Variants in SARM1 observed in about 807,000 individuals in gnomAD.
SARM1 encodes the protein NAD(+) hydrolase SARM1.
SARM1 carries 60 observed loss-of-function variants against 65.1 expected under a neutral mutation model. The ratio of observed to expected loss-of-function variants is 0.92; its 90% CI spans 0.75 to 1.14. SARM1 has a LOEUF of 1.14. SARM1 is among the 50% of genes most tolerant of loss of function. SARM1 has a pLI of 0.00. For synonymous variants in SARM1, 417 were observed against 465.4 expected (o/e 0.90, Z 1.34); for missense variants, 913 against 1,015.7 (o/e 0.90, Z 1.37).
chr17:28,387,982 C>T (rs1262468916), intron 5 of SARM1, 192 bp from the exon 6 acceptor site: 9 of 608,130 alleles, frequency 1.5e-5, no homozygotes, highest in Non-Finnish European at 2.7e-5. Flanking sequence ...TGCCTGCCTC[C>T]TAAGAGGAAC....
At position 28,372,499 on chromosome 17, in the gene SARM1, AC is replaced by A; in HGVS notation, c.469del (p.Arg157GlufsTer11). 2 of 1,527,206 alleles carry A rather than the reference AC, an allele frequency of 1.3e-6. No individual in the cohort carries two copies. Among genetic ancestry groups the A allele is most frequent in the Non-Finnish European group, 1.7e-6 (2 of 1,144,028 alleles). The allele number at this position is 1,527,206 out of a possible 1,614,324, so 94.6% of individuals were successfully genotyped here. A position where few individuals can be genotyped will look rare whatever the true frequency, so the allele number is the denominator to read the frequency against. On this transcript the variant is annotated frameshift_variant and splice_region_variant, in exon 1 of 9. Coordinates refer to ENST00000585482, the MANE Select transcript of SARM1 (RefSeq NM_015077.4). LOFTEE classifies it high-confidence loss of function. The surrounding 1 kb of genome is among the most constrained non-coding windows in gnomAD (Gnocchi z 5.2). ...RLLEQILVAE[N>X]RDRVARIGLG... ...CTGGAGCAGATCCTGGTGGCTGAGAACCGGTGAGCGCGCCAGGCCGGGGTTG... is the reference window on the plus strand; with the variant it reads ...CTGGAGCAGATCCTGGTGGCTGAGAACGGTGAGCGCGCCAGGCCGGGGTTG...
chr17:28,394,860 C>T (rs995264143), intron 7 of SARM1: 1 of 152,138 alleles, frequency 6.6e-6, no homozygotes, highest in African/African-American at 2.4e-5. Flanking sequence ...CAACATTTTC[C>T]ATACAAGACC....
rs41297117 is a variant in SARM1, at chr17:28,400,155, A to G, written c.*3869A>G. 1,208 of 238,544 alleles carry G rather than the reference A, an allele frequency of 5.1e-3. 17 individuals are homozygous for G. The highest frequency in any genetic ancestry group is 0.026 in the African/African-American group (1,165 of 44,108). 14.8% of individuals were successfully genotyped at this position (238,544 alleles called of 1,614,324 possible). A position where few individuals can be genotyped will look rare whatever the true frequency, so the allele number is the denominator to read the frequency against. ...AGTGGTCCTCCTGCCTCAGCCTCCC[A>G]CAGGATCGGGATTACAGGCAAGAGC... On this transcript the variant is annotated 3_prime_UTR_variant, in exon 9 of 9. Transcript: ENST00000585482.
At position 28,391,095 on chromosome 17, in the gene SARM1, G is replaced by T. The variant is rs782585297; in HGVS notation, c.1923+2556G>T. On this transcript the variant is annotated intron_variant, in intron 7 of 8. Transcript: ENST00000585482. ...TGATGGGGTAGGGCTGGATTCGGTT[G>T]ACACCAGAGATGATTGTATCTCTTC... Among the ~76,000 whole-genome samples, 67 of 152,190 alleles carry T rather than the reference G, an allele frequency of 4.4e-4. 1 individual carries two copies. Among genetic ancestry groups the T allele is most frequent in the Non-Finnish European group, 7.3e-5 (5 of 68,038 alleles).
chr17:28,388,094 AAG>A, intron 5 of SARM1, 78 bp from the exon 6 acceptor site: 1 of 1,116,692 alleles, frequency 9.0e-7, no homozygotes, highest in Non-Finnish European at 1.3e-6. Context: ...ACTGGGGACT[AAG>A]TCCACAAGGG....
At chr17:28,377,990 G>A (rs782111261) in intron 1 of SARM1, among the ~76,000 whole-genome samples, 6 of 152,060 alleles carry the variant, frequency 3.9e-5, no homozygotes, top group Non-Finnish European at 8.8e-5. Context: ...GAGCCACTGC[G>A]CCCGGCCATC....
Position 28,381,228 on chromosome 17 carries a change from G to C in SARM1, c.496G>C (p.Gly166Arg). 6.2e-7 allele frequency: 1 copy of C among 1,610,048 alleles called. No homozygotes were observed. Among genetic ancestry groups the C allele is most frequent in the South Asian group, 1.1e-5 (1 of 90,200 alleles). The change falls in exon 2 of 9, where the codon GGC becomes CGC. Residue 166 changes from glycine (G) to arginine (R), a missense_variant. Physicochemically the swap from Gly to Arg is moderately radical, Grantham distance 125. This residue lies in a region of SARM1 where 862 missense variants were observed against 952.1 expected (regional missense o/e 0.91). Coordinates refer to ENST00000585482, the MANE Select transcript of SARM1 (RefSeq NM_015077.4). ...AGACCGCGTGGCGCGCATTGGGCTG[G>C]GCGTGATCCTGAACCTGGCGAAGGA... ...NRDRVARIGL[G>R]VILNLAKERE...
chr17:28,400,872 T>G lies in SARM1; in HGVS notation c.*4586T>G. ...ACCGGGAGTAGTCACTTAACCTATG[T>G]CTCCCCTTCCTCACCAGTAAATCCT... On this transcript the variant is annotated 3_prime_UTR_variant, in exon 9 of 9. Transcript: ENST00000585482. 2.0e-6 allele frequency: 2 copies of G among 993,868 alleles called. No individual in the cohort carries two copies. Among genetic ancestry groups the G allele is most frequent in the Non-Finnish European group, 3.1e-6 (2 of 647,532 alleles). 61.6% of individuals were successfully genotyped at this position (993,868 alleles called of 1,614,324 possible).
rs2142456531 is a variant in SARM1, at chr17:28,401,210, T to A, written c.*4924T>A. ...TTCTTATCCTTTGGGTTCCTGTTCC[T>A]CCTTCTGCTAAATAAGGATAATACC... On this transcript the variant is annotated 3_prime_UTR_variant, in exon 9 of 9. Transcript: ENST00000585482. 4.9e-6 allele frequency: 1 copy of A among 203,182 alleles called. No individual in the cohort carries two copies. Among genetic ancestry groups the A allele is most frequent in the South Asian group, 8.8e-5 (1 of 11,324 alleles). The allele number at this position is 203,182 out of a possible 1,614,324, so 12.6% of individuals were successfully genotyped here.
rs782022324 is a variant in SARM1, at chr17:28,396,197, A to T, written c.2086A>T (p.Ile696Phe). Residue 696 changes from isoleucine to phenylalanine, a missense_variant, in exon 9 of 9, where the codon ATC becomes TTC. Physicochemically the swap from Ile to Phe is conservative, Grantham distance 21. This residue lies in a region of SARM1 where 862 missense variants were observed against 952.1 expected (regional missense o/e 0.91). Transcript: ENST00000585482. ...EYQEATIEKI[I>F]RFLQGRSSRD... Reference sequence around the variant, plus strand: ...CCAGGAGGCCACCATTGAGAAGATCATCCGCTTCCTGCAGGGCCGCTCCTC... The same window carrying T: ...CCAGGAGGCCACCATTGAGAAGATCTTCCGCTTCCTGCAGGGCCGCTCCTC... 2.5e-6 allele frequency: 4 copies of T among 1,613,842 alleles called. No homozygotes were observed. The Admixed American group carries it at 5.0e-5, about 20-fold the overall frequency.
Position 28,388,176 on chromosome 17 carries a change from A to C in SARM1, c.1633A>C (p.Met545Leu), listed in dbSNP as rs1555586319. Residue 545 changes from methionine (M) to leucine (L), a missense_variant and splice_region_variant, in exon 6 of 9, where the codon ATG becomes CTG. This residue lies in a region of SARM1 where 862 missense variants were observed against 952.1 expected (regional missense o/e 0.91). Transcript: ENST00000585482. ...RARILTAARE[M>L]LHSPLPCTGG... is the part of the protein sequence containing the mutation. ...ATGCTGCCTATTGCCCACTTCAGAA[A>C]TGCTACACTCCCCGCTGCCCTGTAC... The C allele has an allele frequency of 6.5e-7, 1 of 1,548,810 alleles. No homozygotes were observed. The highest frequency in any genetic ancestry group is 1.2e-5 in the South Asian group (1 of 83,938).
chr17:28,377,441 C>T (rs901611174), intron 1 of SARM1, among the ~76,000 whole-genome samples: 1 of 151,954 alleles, frequency 6.6e-6, no homozygotes, highest in African/African-American at 2.4e-5. Context: ...TAAAAGAAAA[C>T]AAAACAAAAA....
At chr17:28,380,057 C>CTTT (rs61029083) in intron 1 of SARM1, among the ~76,000 whole-genome samples, 10 of 106,108 alleles carry the variant, frequency 9.4e-5, no homozygotes, top group African/African-American at 3.0e-4. Flanking sequence ...TTTTTCTTTT[C>CTTT]TTTTTTTTTT....
In SARM1 at chr17:28,399,342, G is replaced by A; in HGVS notation, c.*3056G>A. ...GTCCCTGAAGTGTCACCTCTCTCAGGACCTCTCCTCTGGCCTGTGGGGTTA... is the reference window on the plus strand; with the variant it reads ...GTCCCTGAAGTGTCACCTCTCTCAGAACCTCTCCTCTGGCCTGTGGGGTTA... On this transcript the variant is annotated 3_prime_UTR_variant, in exon 9 of 9. Coordinates refer to ENST00000585482, the MANE Select transcript of SARM1 (RefSeq NM_015077.4). 1 of 336,882 alleles carries A rather than the reference G, an allele frequency of 3.0e-6. No homozygotes were observed. The highest frequency in any genetic ancestry group is 5.6e-6 in the Non-Finnish European group (1 of 178,360). 20.9% of individuals were successfully genotyped at this position (336,882 alleles called of 1,614,324 possible).
rs2068085436 is a variant in SARM1, at chr17:28,392,422, A to G, written c.1924-3483A>G. Reference sequence around the variant, plus strand: ...TGAGCCACCACACACGGCCGCCATTATCCCTTTCTTGGCCAGCCTCTGAAT... The same window carrying G: ...TGAGCCACCACACACGGCCGCCATTGTCCCTTTCTTGGCCAGCCTCTGAAT... On this transcript the variant is annotated intron_variant, in intron 7 of 8. Coordinates refer to ENST00000585482, the MANE Select transcript of SARM1 (RefSeq NM_015077.4). Among the ~76,000 whole-genome samples, 3 of 152,202 alleles carry G rather than the reference A, an allele frequency of 2.0e-5. No individual in the cohort carries two copies. The South Asian group carries it at 6.2e-4, about 32-fold the overall frequency.
Position 28,384,716 on chromosome 17 carries a change from C to T in SARM1, c.1303-123C>T, listed in dbSNP as rs1450784543. 12 of 1,193,604 alleles carry T rather than the reference C, an allele frequency of 1.0e-5. No homozygotes were observed. The highest frequency in any genetic ancestry group is 6.3e-5 in the Admixed American group (3 of 47,256). The allele number at this position is 1,193,604 out of a possible 1,614,324, so 73.9% of individuals were successfully genotyped here. On this transcript the variant is annotated intron_variant, in intron 3 of 8. Coordinates refer to ENST00000585482, the MANE Select transcript of SARM1 (RefSeq NM_015077.4). The surrounding 1 kb of genome is among the most constrained non-coding windows in gnomAD (Gnocchi z 4.4). ...GTACGCAGCCACCGTTAGGGTCACTCGGCTCTGATCTAGGTCCCATCCGCC... is the reference window on the plus strand; with the variant it reads ...GTACGCAGCCACCGTTAGGGTCACTTGGCTCTGATCTAGGTCCCATCCGCC...
intron 7 of SARM1, among the ~76,000 whole-genome samples, chr17:28,388,848 G>A (rs1197296336): frequency 6.7e-6 from 1 of 148,620 alleles, no homozygotes; most frequent in East Asian, 2.0e-4. Flanking sequence ...TTGGCTCACT[G>A]CAAGCTCCAC....
intron 1 of SARM1, among the ~76,000 whole-genome samples, chr17:28,380,057 C>T (rs111914782): frequency 1.4e-3 from 145 of 105,940 alleles, no homozygotes; most frequent in Middle Eastern, 6.6e-3. Context: ...TTTTTCTTTT[C>T]TTTTTTTTTT....
At chr17:28,378,671 G>T (rs576349347) in intron 1 of SARM1, among the ~76,000 whole-genome samples, 1 of 151,678 alleles carries the variant, frequency 6.6e-6, no homozygotes, top group South Asian at 2.1e-4. Flanking sequence ...TTGTTTGTTT[G>T]TTTTGAGACA....
Sources: gnomAD v4.1 joint callset for allele counts (sites outside exome capture counted in the v4.1 genomes callset) on GRCh38, gnomAD v4.1.1 for gene constraint, gnomAD v4.1.1 regional missense constraint, Gnocchi (gnomAD v3.1) non-coding constraint, MANE v1.5 for transcripts, NCBI Gene and HGNC (gene_info 2026-07-23, HGNC 2026-07-21) for gene names.